The following CRLF3 variants were observed in gnomAD, a reference collection of about 807,000 sequenced individuals.
CRLF3 encodes cytokine receptor-like factor 3.
CRLF3 carries 33 observed loss-of-function variants against 55.0 expected under a neutral mutation model. The ratio of observed to expected loss-of-function variants is 0.60; its 90% confidence interval spans 0.46 to 0.80. The LOEUF is 0.80. CRLF3 is among the 30% of genes least tolerant of loss of function. The pLI, the probability that CRLF3 is intolerant of heterozygous loss-of-function variation, is 0.00. For synonymous variants in CRLF3, 238 were observed against 196.8 expected, an observed-to-expected ratio of 1.21 and a Z score of -1.75; for missense variants, 494 against 538.4, an observed-to-expected ratio of 0.92 and a Z score of 0.82.
intron 2 of CRLF3, among the ~76,000 whole-genome samples, chr17:30,802,728 G>A (rs909982479): frequency 3.3e-5 from 5 of 151,924 alleles, no homozygotes; most frequent in Admixed American, 6.6e-5. Flanking sequence ...TGGCCCCCTT[G>A]TTTATGTTAT....
At chr17:30,792,369 A>G in intron 6 of CRLF3, 71 bp downstream of exon 6, 2 of 1,406,418 alleles carry the variant, frequency 1.4e-6, no homozygotes, top group Admixed American at 1.8e-5. Context: ...TTTTGAATTC[A>G]AAGCTTATGT....
chr17:30,817,067 C>T (rs573740259), intron 1 of CRLF3, among the ~76,000 whole-genome samples: 1 of 152,116 alleles, frequency 6.6e-6, no homozygotes. Flanking sequence ...TTTGGGGTAC[C>T]AGAATCAATA....
chr17:30,793,178 TAAAA>T, intron 5 of CRLF3, among the ~76,000 whole-genome samples: 1 of 151,558 alleles, frequency 6.6e-6, no homozygotes, highest in South Asian at 2.1e-4. Flanking sequence ...AAAAAAAGAA[TAAAA>T]AGGAATATCA....
intron 1 of CRLF3, among the ~76,000 whole-genome samples, chr17:30,813,024 GC>G (rs1233745119): frequency 6.6e-6 from 1 of 152,124 alleles, no homozygotes; most frequent in East Asian, 1.9e-4. Context: ...GTGTTGCCAA[GC>G]AAAACCAGGA....
chr17:30,824,664 C>T lies in CRLF3; in HGVS notation c.-13G>A. ...TCGCCCCCCTCATCTGGCCGCGCGGCCGGCGAAACCTAGCGCGGGTTCCCG... is the reference window on the plus strand; with the variant it reads ...TCGCCCCCCTCATCTGGCCGCGCGGTCGGCGAAACCTAGCGCGGGTTCCCG... On this transcript the variant is annotated 5_prime_UTR_variant, in exon 1 of 8. Coordinates refer to ENST00000324238, the MANE Select transcript of CRLF3 (RefSeq NM_015986.4). The T allele has an allele frequency of 2.5e-6, 4 of 1,585,320 alleles. No homozygotes were observed. The highest frequency in any genetic ancestry group is 1.1e-5 in the South Asian group (1 of 88,988).
intron 2 of CRLF3, among the ~76,000 whole-genome samples, chr17:30,799,891 T>A (rs896265488): frequency 6.6e-6 from 1 of 152,146 alleles, no homozygotes; most frequent in Non-Finnish European, 1.5e-5. Context: ...TGCTTCTGGG[T>A]TTGTTTCCAA....
chr17:30,823,702 G>A (rs1905059902), intron 1 of CRLF3, among the ~76,000 whole-genome samples: 1 of 152,148 alleles, frequency 6.6e-6, no homozygotes, highest in South Asian at 2.1e-4. Flanking sequence ...CGAGGGTATA[G>A]AGAAACCATA....
At chr17:30,796,915 T>G (rs1236382498) in intron 3 of CRLF3, among the ~76,000 whole-genome samples, 2 of 151,932 alleles carry the variant, frequency 1.3e-5, no homozygotes, top group African/African-American at 4.8e-5. Context: ...TTTATACTTA[T>G]TTTGAGATGG....
intron 1 of CRLF3, among the ~76,000 whole-genome samples, chr17:30,816,752 G>C (rs907905713): frequency 6.6e-6 from 1 of 152,008 alleles, no homozygotes; most frequent in Non-Finnish European, 1.5e-5. Flanking sequence ...GCCTCTCAAA[G>C]TGCTGGGACT....
intron 5 of CRLF3, among the ~76,000 whole-genome samples, chr17:30,793,141 AAAC>A (rs1971848382): frequency 6.6e-6 from 1 of 151,918 alleles, no homozygotes; most frequent in African/African-American, 2.4e-5. Flanking sequence ...TGTCTCAAAA[AAAC>A]TAACTAAATA....
chr17:30,800,017 A>C (rs1259720756), intron 2 of CRLF3, among the ~76,000 whole-genome samples: 2 of 152,220 alleles, frequency 1.3e-5, no homozygotes, highest in South Asian at 2.1e-4. Context: ...AAATGTAACC[A>C]GCAATGTCAA....
chr17:30,813,300 C>T (rs901763876), intron 1 of CRLF3, among the ~76,000 whole-genome samples: 1 of 152,080 alleles, frequency 6.6e-6, no homozygotes, highest in African/African-American at 2.4e-5. Flanking sequence ...TAGTATGTGT[C>T]AGAAATTAGG....
chr17:30,808,273 C>CGG (rs1904482840), intron 1 of CRLF3, among the ~76,000 whole-genome samples: 1 of 134,748 alleles, frequency 7.4e-6, no homozygotes, highest in Non-Finnish European at 1.6e-5. Context: ...CCCCTAGAAC[C>CGG]TATATTTTTT....
chr17:30,795,292 C>T lies in CRLF3; in HGVS notation c.603+868G>A, dbSNP rs556940487. Among the ~76,000 whole-genome samples the T allele has an allele frequency of 2.4e-3, 358 of 149,916 alleles. 2 individuals carry two copies. Among genetic ancestry groups the T allele is most frequent in the South Asian group, 5.9e-3 (28 of 4,742 alleles). ...GGTCGGGAGTTTGAGACCAACCTGACCAACATGGAGAAACTCTGTCTCTAC... is the reference window on the plus strand; with the variant it reads ...GGTCGGGAGTTTGAGACCAACCTGATCAACATGGAGAAACTCTGTCTCTAC... On this transcript the variant is annotated intron_variant, in intron 4 of 7. Transcript: ENST00000324238.
intron 5 of CRLF3, 171 bp from the exon 6 acceptor site, chr17:30,792,743 C>A (rs1351790373): frequency 4.0e-6 from 2 of 505,942 alleles, no homozygotes; most frequent in African/African-American, 1.9e-5. Flanking sequence ...CCACAAATTA[C>A]AAAAGATTTT....
At chr17:30,800,175 G>C (rs113588622) in intron 2 of CRLF3, among the ~76,000 whole-genome samples, 231 of 152,224 alleles carry the variant, frequency 1.5e-3, no homozygotes, top group African/African-American at 4.9e-3. Flanking sequence ...TCCTTCCCTA[G>C]CTCCTTTTTC....
intron 5 of CRLF3, 42 bp from the exon 6 acceptor site, chr17:30,792,614 G>C: frequency 6.4e-7 from 1 of 1,570,078 alleles, no homozygotes; most frequent in Non-Finnish European, 8.7e-7. Flanking sequence ...AGAATCTCTT[G>C]AGGGATATCT....
chr17:30,811,803 C>CAAAAAAA (rs915710879), intron 1 of CRLF3, among the ~76,000 whole-genome samples: 2 of 27,754 alleles, frequency 7.2e-5, no homozygotes, highest in African/African-American at 1.5e-4. Context: ...GACTCTGTCT[C>CAAAAAAA]AAAAAAAAAA....
Position 30,803,886 on chromosome 17 carries a change from T to TCCC in CRLF3, c.337+12_337+14dup, listed in dbSNP as rs748192336. On this transcript the variant is annotated intron_variant, in intron 2 of 7. Coordinates refer to ENST00000324238, the MANE Select transcript of CRLF3 (RefSeq NM_015986.4). ...GGACGAATGCACTAATACAACAGGC[T>TCCC]CCCTGGTCCCCCACCTTCTCGGACT... is the stretch of plus-strand genomic sequence containing the variant. 7.5e-6 allele frequency: 12 copies of TCCC among 1,592,948 alleles called. No homozygotes were observed. The highest frequency in any genetic ancestry group is 1.0e-5 in the Non-Finnish European group (12 of 1,162,756).
Sources: allele counts gnomAD v4.1 joint callset (sites outside exome capture counted in the v4.1 genomes callset), GRCh38; gene constraint gnomAD v4.1.1; transcripts MANE v1.5; gene names NCBI Gene and HGNC (gene_info 2026-07-23, HGNC 2026-07-21).